JADE1: variants seen among roughly 807,000 people sequenced by gnomAD.
The protein encoded by JADE1 is jade family PHD finger 1, also known as protein Jade-1.
JADE1 carries 14 observed loss-of-function variants against 81.8 expected under a neutral mutation model. The ratio of observed to expected loss-of-function variants is 0.17; its 90% confidence interval spans 0.11 to 0.27. JADE1 has a LOEUF of 0.27. Ranked by LOEUF, JADE1 falls within the 10% of genes least tolerant of loss-of-function variation. The pLI is 1.00. For synonymous variants in JADE1, 353 were observed against 391.9 expected (o/e 0.90, Z 1.17); for missense variants, 690 against 1,047.9 (o/e 0.66, Z 4.71).
intron 4 of JADE1, 52 bp from the exon 5 acceptor site, chr4:128,848,928 A>G (rs1269546268): frequency 3.1e-6 from 5 of 1,588,836 alleles, no homozygotes; most frequent in Non-Finnish European, 4.3e-6. Context: ...GGCACACTTC[A>G]TTGTCTGTGG....
intron 2 of JADE1, 61 bp downstream of exon 2, chr4:128,831,871 T>A (rs1272878936): frequency 7.0e-7 from 1 of 1,423,096 alleles, no homozygotes; most frequent in African/African-American, 1.4e-5. Context: ...AAAAACATGA[T>A]TTTTTAATGT....
chr4:128,825,683 A>G (rs1042397886), intron 1 of JADE1, among the ~76,000 whole-genome samples: 3 of 152,232 alleles, frequency 2.0e-5, no homozygotes, highest in African/African-American at 7.2e-5. Flanking sequence ...GTGCTCCTGC[A>G]GTGCAGACAT....
chr4:128,836,497 G>T (rs1200724376), intron 2 of JADE1, among the ~76,000 whole-genome samples: 1 of 152,062 alleles, frequency 6.6e-6, no homozygotes, highest in Non-Finnish European at 1.5e-5. Context: ...GGAGAAGGAG[G>T]AAGAGAAGGC....
intron 1 of JADE1, among the ~76,000 whole-genome samples, chr4:128,811,641 G>GC (rs1726388955): frequency 9.1e-6 from 1 of 109,432 alleles, no homozygotes; most frequent in Non-Finnish European, 2.3e-5. Flanking sequence ...GGCCGGGGTG[G>GC]GGGGTTGCGG....
intron 1 of JADE1, among the ~76,000 whole-genome samples, chr4:128,820,882 A>G (rs991440850): frequency 6.6e-6 from 1 of 152,204 alleles, no homozygotes; most frequent in African/African-American, 2.4e-5. Flanking sequence ...TATATCCTGT[A>G]TAAGAACATC....
chr4:128,848,573 G>A (rs946723891), intron 4 of JADE1, among the ~76,000 whole-genome samples: 1 of 152,046 alleles, frequency 6.6e-6, no homozygotes, highest in African/African-American at 2.4e-5. Flanking sequence ...AGTCTGCTGC[G>A]CCTGCCCTGC....
In JADE1 at chr4:128,843,021, G is replaced by C; in HGVS notation, c.121G>C (p.Asp41His). Reference protein sequence around the residue: ...HRRSSCSRHEDRKPSEVFRTD... With the variant: ...HRRSSCSRHEHRKPSEVFRTD... ...GAGAAGCTCCTGCTCCAGACATGAA[G>C]ATCGAAAGCCTTCAGAGGTACTTCT... is the stretch of plus-strand genomic sequence containing the variant. Residue 41 changes from aspartate to histidine, a missense_variant, in exon 3 of 11, where the codon GAT becomes CAT. Transcript: ENST00000226319. The C allele has an allele frequency of 1.2e-6, 2 of 1,613,994 alleles. No individual in the cohort carries two copies. The highest frequency in any genetic ancestry group is 1.3e-5 in the African/African-American group (1 of 75,056).
chr4:128,828,028 T>C, intron 1 of JADE1: 1 of 258,652 alleles, frequency 3.9e-6, no homozygotes, highest in Non-Finnish European at 6.0e-6. Context: ...TGTATTCCTG[T>C]AGAACTCCGC....
chr4:128,822,612 G>C (rs1247656479), intron 1 of JADE1, among the ~76,000 whole-genome samples: 1 of 151,922 alleles, frequency 6.6e-6, no homozygotes, highest in Non-Finnish European at 1.5e-5. Flanking sequence ...CCAGCTACTA[G>C]GGAGGCTGAA....
chr4:128,860,192 G>A (rs1181004611), intron 8 of JADE1, among the ~76,000 whole-genome samples: 1 of 152,168 alleles, frequency 6.6e-6, no homozygotes, highest in Non-Finnish European at 1.5e-5. Flanking sequence ...GTGGCCAGGT[G>A]TGTATGTGTG....
At chr4:128,823,096 GA>G (rs1293728545) in intron 1 of JADE1, among the ~76,000 whole-genome samples, 8 of 152,044 alleles carry the variant, frequency 5.3e-5, no homozygotes, top group African/African-American at 1.9e-4. Flanking sequence ...GTTTGGTTGT[GA>G]ATTCATTTAC....
At chr4:128,814,785 A>C (rs536938294) in intron 1 of JADE1, among the ~76,000 whole-genome samples, 1 of 149,830 alleles carries the variant, frequency 6.7e-6, no homozygotes, top group South Asian at 2.1e-4. Flanking sequence ...CTGGTCTTGA[A>C]CTCCTGACCT....
At position 128,819,286 on chromosome 4, in the gene JADE1, T is replaced by G. The variant is rs947584594; in HGVS notation, c.-27+9409T>G. 1.7e-4 allele frequency among the ~76,000 whole-genome samples: 23 copies of G among 133,340 alleles called. No individual in the cohort carries two copies. In the South Asian group the frequency reaches 2.6e-3, roughly 15 times the overall value. The allele number at this position is 133,340 out of a possible 152,430, so 87.5% of individuals were successfully genotyped here. ...CTGGAGTGCAATGGTGGTTTTTTTT[T>G]TGGGGGGCAGGCTCTCTCTGCTGCT... On this transcript the variant is annotated intron_variant, in intron 1 of 10. Coordinates refer to ENST00000226319, the MANE Select transcript of JADE1 (RefSeq NM_199320.4).
intron 1 of JADE1, among the ~76,000 whole-genome samples, chr4:128,823,852 A>T (rs1360936160): frequency 6.6e-6 from 1 of 152,220 alleles, no homozygotes; most frequent in Admixed American, 6.5e-5. Flanking sequence ...AAAACTTCAT[A>T]TTTAAGCGAT....
chr4:128,855,603 C>A, intron 6 of JADE1, 27 bp from the exon 7 acceptor site: 1 of 1,584,362 alleles, frequency 6.3e-7, no homozygotes, highest in Non-Finnish European at 8.6e-7. Context: ...TCTCTCTATT[C>A]CTCTGGGATG....
At position 128,867,962 on chromosome 4, in the gene JADE1, A is replaced by G; in HGVS notation, c.1610A>G (p.Glu537Gly). The change falls in exon 10 of 11, where the codon GAA becomes GGA. Residue 537 changes from glutamate (E) to glycine (G), a missense_variant. Around this residue, in one of 8 missense-constraint regions of JADE1, gnomAD observed 86 missense variants for 95.4 expected, o/e 0.90. Transcript: ENST00000226319. ...CTTTACACTAAGCTTTTGGAGCAAG[A>G]AAGAGTTTCAGGTATGCATTAAGCC... Reference protein sequence around the residue: ...FNLYTKLLEQERVSGVPSSCS... With the variant: ...FNLYTKLLEQGRVSGVPSSCS... The G allele has an allele frequency of 6.2e-7, 1 of 1,607,220 alleles. No homozygotes were observed. The highest frequency in any genetic ancestry group is 8.5e-7 in the Non-Finnish European group (1 of 1,173,810).
chr4:128,863,109 C>T (rs922153823), intron 9 of JADE1: 2 of 985,730 alleles, frequency 2.0e-6, no homozygotes, highest in Non-Finnish European at 2.4e-6. Context: ...CTGGCATTTC[C>T]TTCTGCTGTT....
rs1453906011 is a variant in JADE1, at chr4:128,861,772, G to T, written c.1050G>T (p.Lys350Asn). The T allele has an allele frequency of 6.2e-7, 1 of 1,614,204 alleles. No homozygotes were observed. The highest frequency in any genetic ancestry group is 1.3e-5 in the African/African-American group (1 of 75,044). ...CTTTTGACCGGGGCCTGGAGATGAA[G>T]ACCATCTTAGCAGAGAATGATGAAG... Reference protein sequence around the residue: ...TCAFDRGLEMKTILAENDEVK... With the variant: ...TCAFDRGLEMNTILAENDEVK... Residue 350 changes from lysine (K) to asparagine (N), a missense_variant, in exon 9 of 11, where the codon AAG becomes AAT. This residue lies in a region of JADE1 where 77 missense variants were observed against 76.4 expected (regional missense o/e 1.01). Transcript: ENST00000226319.
intron 9 of JADE1, among the ~76,000 whole-genome samples, chr4:128,865,351 CTGTT>C (rs1731705366): frequency 6.6e-6 from 1 of 152,186 alleles, no homozygotes; most frequent in Non-Finnish European, 1.5e-5. Flanking sequence ...CCCCATGTTT[CTGTT>C]TGGGAACACT....
Sources: gnomAD v4.1 joint callset for allele counts (sites outside exome capture counted in the v4.1 genomes callset) on GRCh38, gnomAD v4.1.1 for gene constraint, gnomAD v4.1.1 regional missense constraint, MANE v1.5 for transcripts, NCBI Gene and HGNC (gene_info 2026-07-23, HGNC 2026-07-21) for gene names.